FILIP1: variants seen among roughly 807,000 people sequenced by gnomAD.
The protein encoded by FILIP1 is filamin A interacting protein 1, also known as filamin-A-interacting protein 1.
In FILIP1, 61 loss-of-function variants were observed where a neutral mutation model predicts 102.1. That is an observed-to-expected ratio of 0.60 (90% CI 0.49 to 0.74). The LOEUF (loss-of-function observed/expected upper bound fraction) is 0.74. FILIP1 is among the 30% of genes least tolerant of loss of function. The pLI, the probability that FILIP1 is intolerant of heterozygous loss-of-function variation, is 0.00. For missense variants in FILIP1, 1,314 were observed against 1,441.2 expected (o/e 0.91, Z 1.43); for synonymous variants, 491 against 526.9 (o/e 0.93, Z 0.93).
At chr6:75,348,044 A>G (rs1172444922) in intron 4 of FILIP1, among the ~76,000 whole-genome samples, 1 of 141,248 alleles carries the variant, frequency 7.1e-6, no homozygotes, top group Admixed American at 7.3e-5. Context: ...TCTAGACAGC[A>G]CTCCTCCACA....
At chr6:75,493,137 T>C (rs2149791495) in intron 1 of FILIP1, among the ~76,000 whole-genome samples, 1 of 152,366 alleles carries the variant, frequency 6.6e-6, no homozygotes, top group East Asian at 1.9e-4. Context: ...TTCTGTTACC[T>C]GCCGAAGAGC....
At chr6:75,428,749 G>A (rs779226009) in intron 1 of FILIP1, among the ~76,000 whole-genome samples, 5 of 152,292 alleles carry the variant, frequency 3.3e-5, no homozygotes, top group Admixed American at 6.5e-5. Context: ...CCCTGCTTGA[G>A]AGTTTAGACT....
intron 2 of FILIP1, among the ~76,000 whole-genome samples, chr6:75,397,708 A>G (rs971875728): frequency 1.3e-5 from 2 of 152,024 alleles, no homozygotes; most frequent in African/African-American, 2.4e-5. Context: ...TTCAAGGATC[A>G]CTCACTTTCA....
At chr6:75,302,658 A>G (rs1772868878) in intron 6 of FILIP1, among the ~76,000 whole-genome samples, 1 of 152,144 alleles carries the variant, frequency 6.6e-6, no homozygotes. Flanking sequence ...CAATTATTTA[A>G]GCCTGGAGTG....
At chr6:75,429,367 T>C (rs1369856980) in intron 1 of FILIP1, among the ~76,000 whole-genome samples, 1 of 152,096 alleles carries the variant, frequency 6.6e-6, no homozygotes. Flanking sequence ...TGGAGAGGAA[T>C]TGTCCAACAA....
downstream of FILIP1, among the ~76,000 whole-genome samples, chr6:75,303,447 GA>G (rs1772897975): frequency 6.6e-6 from 1 of 152,160 alleles, no homozygotes; most frequent in Admixed American, 6.5e-5. Flanking sequence ...GCAGAGCAAA[GA>G]GGTGAAAGAA....
chr6:75,392,509 T>A (rs563851926), intron 2 of FILIP1, among the ~76,000 whole-genome samples: 190 of 152,286 alleles, frequency 1.2e-3, no homozygotes, highest in African/African-American at 4.4e-3. Context: ...TGACAACCCA[T>A]TTCCCATTTG....
intron 4 of FILIP1, among the ~76,000 whole-genome samples, chr6:75,347,465 A>T (rs1274923491): frequency 6.6e-6 from 1 of 152,184 alleles, no homozygotes; most frequent in African/African-American, 2.4e-5. Context: ...TCTGCTTGTT[A>T]AGACTTGAGT....
chr6:75,470,890 G>A (rs1033564956), intron 1 of FILIP1, among the ~76,000 whole-genome samples: 4 of 152,068 alleles, frequency 2.6e-5, no homozygotes, highest in Non-Finnish European at 4.4e-5. Context: ...TCCAGGCCAG[G>A]TGGCTCACGT....
At chr6:75,449,133 G>C (rs953782785) in intron 1 of FILIP1, among the ~76,000 whole-genome samples, 1 of 152,122 alleles carries the variant, frequency 6.6e-6, no homozygotes, top group African/African-American at 2.4e-5. Flanking sequence ...ATGCACCATG[G>C]AATACTACTC....
At chr6:75,352,296 A>G (rs1405619372) in intron 4 of FILIP1, among the ~76,000 whole-genome samples, 1 of 152,240 alleles carries the variant, frequency 6.6e-6, no homozygotes, top group Non-Finnish European at 1.5e-5. Flanking sequence ...CTCTAAACAC[A>G]AAAGCAGACA....
intron 2 of FILIP1, among the ~76,000 whole-genome samples, chr6:75,369,797 T>C (rs563227376): frequency 5.3e-5 from 8 of 152,324 alleles, no homozygotes; most frequent in African/African-American, 1.9e-4. Context: ...AATTTTAATA[T>C]TCACCTGAGT....
chr6:75,327,596 A>AAGAC (rs5877447), intron 4 of FILIP1, among the ~76,000 whole-genome samples: 104,672 of 148,458 alleles, frequency 0.71, 37,040 homozygotes, highest in Middle Eastern at 0.77. Flanking sequence ...ATAAAATAAA[A>AAGAC]AGGTCAATGC....
At chr6:75,317,214 A>G (rs1446507907) in intron 4 of FILIP1, among the ~76,000 whole-genome samples, 1 of 152,208 alleles carries the variant, frequency 6.6e-6, no homozygotes, top group Non-Finnish European at 1.5e-5. Flanking sequence ...AGTAGAGGAA[A>G]GAGGGAGGGA....
intron 2 of FILIP1, among the ~76,000 whole-genome samples, chr6:75,379,506 T>C (rs1468982535): frequency 6.6e-6 from 1 of 152,156 alleles, no homozygotes; most frequent in Non-Finnish European, 1.5e-5. Context: ...AAGGCAGACT[T>C]ATTGGGAGAA....
rs1775215508 is a variant in FILIP1, at chr6:75,362,872, G to A, written c.322C>T (p.Pro108Ser). The A allele has an allele frequency of 6.2e-7, 1 of 1,613,768 alleles. No individual in the cohort carries two copies. Among genetic ancestry groups the A allele is most frequent in the African/African-American group, 1.3e-5 (1 of 74,862 alleles). The change falls in exon 3 of 6, where the codon CCT (proline) becomes TCT (serine). Residue 108 changes from proline (P) to serine (S), a missense_variant. Coordinates refer to ENST00000237172, the MANE Select transcript of FILIP1 (RefSeq NM_015687.5). ...IHMLKTEKTK[P>S]EVLEAHYGSA... ...CCGTAATGAGCCTCCAGAACCTCAGGCTTGGTTTTCTCTGTCTTCAGCATG... is the reference window on the plus strand; with the variant it reads ...CCGTAATGAGCCTCCAGAACCTCAGACTTGGTTTTCTCTGTCTTCAGCATG...
At chr6:75,353,226 A>G (rs1053338646) in intron 4 of FILIP1, among the ~76,000 whole-genome samples, 2 of 152,156 alleles carry the variant, frequency 1.3e-5, no homozygotes, top group African/African-American at 4.8e-5. Flanking sequence ...TAAAAAATAA[A>G]AAGAAATACA....
At chr6:75,430,101 C>A (rs1777776929) in intron 1 of FILIP1, among the ~76,000 whole-genome samples, 1 of 152,114 alleles carries the variant, frequency 6.6e-6, no homozygotes, top group African/African-American at 2.4e-5. Flanking sequence ...CCATGCTGTT[C>A]TCATGTTAGT....
At chr6:75,376,904 A>G (rs1775769911) in intron 2 of FILIP1, among the ~76,000 whole-genome samples, 2 of 152,172 alleles carry the variant, frequency 1.3e-5, no homozygotes, top group African/African-American at 4.8e-5. Flanking sequence ...TTTGGACTAC[A>G]CTGTGTAGAG....
Sources: gnomAD v4.1 joint callset for allele counts (sites outside exome capture counted in the v4.1 genomes callset) on GRCh38, gnomAD v4.1.1 for gene constraint, MANE v1.5 for transcripts, NCBI Gene and HGNC (gene_info 2026-07-23, HGNC 2026-07-21) for gene names.